The following DCC variants were observed in gnomAD, a reference collection of about 807,000 sequenced individuals.
DCC encodes the protein netrin receptor DCC.
DCC carries 58 observed loss-of-function variants against 172.5 expected under a neutral mutation model. The ratio of observed to expected loss-of-function variants is 0.34; its 90% CI spans 0.27 to 0.42. The LOEUF (loss-of-function observed/expected upper bound fraction) is 0.42, where lower values mean the gene tolerates loss of function less well. Among genes scored for constraint, DCC ranks in the 10% least tolerant of loss-of-function variants. The probability of loss-of-function intolerance (pLI) is 1.00; values close to 1 mark genes in which losing one functional copy is unlikely to be tolerated. For missense variants in DCC, 1,740 were observed against 1,791.0 expected, an observed-to-expected ratio of 0.97 and a Z score of 0.51; for synonymous variants, 709 against 644.5, an observed-to-expected ratio of 1.10 and a Z score of -1.52.
At chr18:52,830,813 A>G (rs2145294312) in intron 2 of DCC, among the ~76,000 whole-genome samples, 1 of 152,236 alleles carries the variant, frequency 6.6e-6, no homozygotes, top group East Asian at 1.9e-4. Flanking sequence ...TCAAACCCCT[A>G]CTTTATATCA....
At chr18:52,686,534 CACT>C (rs2035838917) in intron 1 of DCC, among the ~76,000 whole-genome samples, 1 of 152,144 alleles carries the variant, frequency 6.6e-6, no homozygotes, top group Non-Finnish European at 1.5e-5. Flanking sequence ...TGTCAGCCCA[CACT>C]TCCCAAAACA....
intron 22 of DCC, among the ~76,000 whole-genome samples, chr18:53,438,209 C>A (rs1453163557): frequency 6.6e-6 from 1 of 152,088 alleles, no homozygotes; most frequent in Non-Finnish European, 1.5e-5. Flanking sequence ...CGGGACAGTA[C>A]TTTTTGAAGA....
At position 52,340,485 on chromosome 18, in the gene DCC, G is replaced by T; in HGVS notation, c.-303G>T. 2.1e-6 allele frequency: 1 copy of T among 479,688 alleles called. No individual in the cohort carries two copies. The highest frequency in any genetic ancestry group is 2.0e-5 in the African/African-American group (1 of 51,162). 29.7% of individuals were successfully genotyped at this position (479,688 alleles called of 1,614,324 possible). A position where few individuals can be genotyped will look rare whatever the true frequency, so the allele number is the denominator to read the frequency against. The stretch of plus-strand genomic sequence containing the variant: ...TCAGAGAGCTGTCTTCCCTCCTCTG[G>T]CTCCCTCCGTTTCCTTGAGTTAGTT... On this transcript the variant is annotated 5_prime_UTR_variant, in exon 1 of 29. Transcript: ENST00000442544.
chr18:52,534,949 G>A (rs1437324619), intron 1 of DCC, among the ~76,000 whole-genome samples: 3 of 152,088 alleles, frequency 2.0e-5, no homozygotes, highest in Non-Finnish European at 4.4e-5. Flanking sequence ...TACAGATATT[G>A]AGCACAATAT....
intron 2 of DCC, among the ~76,000 whole-genome samples, chr18:52,812,656 A>T (rs2038223863): frequency 6.6e-6 from 1 of 152,250 alleles, no homozygotes; most frequent in African/African-American, 2.4e-5. Context: ...GCCTAAGGGC[A>T]TGCATTTTCA....
At chr18:53,265,045 A>C (rs1265090591) in intron 12 of DCC, among the ~76,000 whole-genome samples, 1 of 152,198 alleles carries the variant, frequency 6.6e-6, no homozygotes, top group Non-Finnish European at 1.5e-5. Flanking sequence ...GAGCTGTGAA[A>C]GCAACCGTAC....
chr18:52,379,793 A>C (rs1985508701), intron 1 of DCC, among the ~76,000 whole-genome samples: 1 of 152,152 alleles, frequency 6.6e-6, no homozygotes, highest in Non-Finnish European at 1.5e-5. Flanking sequence ...TTGAAGTTCC[A>C]CCAGAAGTTA....
chr18:52,817,791 TTA>T (rs151243256), intron 2 of DCC, among the ~76,000 whole-genome samples: 2 of 150,662 alleles, frequency 1.3e-5, no homozygotes, highest in African/African-American at 2.4e-5. Flanking sequence ...TATAAAATGT[TTA>T]TATATATATA....
At chr18:52,452,045 C>G (rs1988321930) in intron 1 of DCC, among the ~76,000 whole-genome samples, 1 of 152,138 alleles carries the variant, frequency 6.6e-6, no homozygotes, top group Admixed American at 6.5e-5. Flanking sequence ...CAGTCCTTTT[C>G]CTGCCCCAGT....
intron 15 of DCC, among the ~76,000 whole-genome samples, chr18:53,371,743 A>C (rs2144958608): frequency 1.3e-5 from 2 of 152,116 alleles, no homozygotes; most frequent in Middle Eastern, 3.4e-3. Context: ...TATATCAACT[A>C]TTTTATAATT....
chr18:53,062,180 A>T (rs1171806296), intron 5 of DCC, among the ~76,000 whole-genome samples: 1 of 152,096 alleles, frequency 6.6e-6, no homozygotes, highest in African/African-American at 2.4e-5. Flanking sequence ...CAGTAGGAAA[A>T]ATCAGGACTT....
At chr18:53,346,873 G>A (rs2057732074) in intron 15 of DCC, among the ~76,000 whole-genome samples, 1 of 152,168 alleles carries the variant, frequency 6.6e-6, no homozygotes, top group Non-Finnish European at 1.5e-5. Context: ...ATGTTAAGTT[G>A]TAGAATCTGA....
intron 1 of DCC, among the ~76,000 whole-genome samples, chr18:52,727,684 T>C (rs1239377128): frequency 6.6e-6 from 1 of 152,216 alleles, no homozygotes; most frequent in Non-Finnish European, 1.5e-5. Flanking sequence ...AGGAAAATGA[T>C]ACCTGGAAAT....
intron 5 of DCC, among the ~76,000 whole-genome samples, chr18:53,001,217 A>G (rs1184914999): frequency 6.6e-6 from 1 of 152,042 alleles, no homozygotes; most frequent in East Asian, 1.9e-4. Context: ...AGAATATTGG[A>G]CTAGACTCAA....
At chr18:52,627,250 C>T (rs1051194653) in intron 1 of DCC, among the ~76,000 whole-genome samples, 5 of 152,132 alleles carry the variant, frequency 3.3e-5, no homozygotes, top group African/African-American at 1.2e-4. Context: ...TCATCTCCTC[C>T]CTTCAGAATT....
intron 1 of DCC, among the ~76,000 whole-genome samples, chr18:52,590,106 G>T (rs1254861524): frequency 6.6e-6 from 1 of 151,878 alleles, no homozygotes; most frequent in Non-Finnish European, 1.5e-5. Context: ...TTTTGATCTA[G>T]GTTCTGTTTA....
At chr18:53,243,840 G>A (rs1282317070) in intron 12 of DCC, among the ~76,000 whole-genome samples, 1 of 152,112 alleles carries the variant, frequency 6.6e-6, no homozygotes, top group Non-Finnish European at 1.5e-5. Flanking sequence ...AAACATAAAA[G>A]TCTTCTCTTT....
chr18:52,517,230 A>G (rs2031671685), intron 1 of DCC, among the ~76,000 whole-genome samples: 1 of 152,178 alleles, frequency 6.6e-6, no homozygotes. Flanking sequence ...TGAAATTATT[A>G]TTATAAAAAG....
intron 5 of DCC, among the ~76,000 whole-genome samples, chr18:53,047,764 A>G (rs567567070): frequency 6.2e-4 from 94 of 151,618 alleles, no homozygotes; most frequent in African/African-American, 2.1e-3. Flanking sequence ...GCTTACCACT[A>G]AAGACTTTGT....
Sources: gnomAD v4.1 joint callset for allele counts (sites outside exome capture counted in the v4.1 genomes callset) on GRCh38, gnomAD v4.1.1 for gene constraint, MANE v1.5 for transcripts, NCBI Gene and HGNC (gene_info 2026-07-23, HGNC 2026-07-21) for gene names.